The following MAMDC2 variants were observed in gnomAD, a reference collection of about 807,000 sequenced individuals.
The protein encoded by MAMDC2 is MAM domain containing 2.
A neutral mutation model predicts 89.8 loss-of-function variants in MAMDC2; 57 were observed. The ratio of observed to expected loss-of-function variants is 0.63; its 90% CI spans 0.51 to 0.79. The LOEUF (loss-of-function observed/expected upper bound fraction) is 0.79, where lower values mean the gene tolerates loss of function less well. MAMDC2 is among the 30% of genes least tolerant of loss of function. The pLI is 0.00. For missense variants in MAMDC2, 800 were observed against 820.6 expected (o/e 0.97, Z 0.31); for synonymous variants, 313 against 293.4 (o/e 1.07, Z -0.68).
intron 2 of MAMDC2, among the ~76,000 whole-genome samples, chr9:70,103,717 C>T (rs1269751439): frequency 6.6e-6 from 1 of 151,864 alleles, no homozygotes; most frequent in Non-Finnish European, 1.5e-5. Context: ...AGTGGTGGCT[C>T]ACTCCTGTAA....
At chr9:70,171,686 A>G (rs1213838255) in intron 11 of MAMDC2, among the ~76,000 whole-genome samples, 1 of 152,168 alleles carries the variant, frequency 6.6e-6, no homozygotes, top group Non-Finnish European at 1.5e-5. Flanking sequence ...CCATTATGAT[A>G]GTAAATATGA....
At chr9:70,111,833 GCT>G (rs200466248) in intron 4 of MAMDC2, among the ~76,000 whole-genome samples, 2,202 of 152,326 alleles carry the variant, frequency 0.014, 22 homozygotes, top group Admixed American at 0.022. Flanking sequence ...GCAAGGAATA[GCT>G]CTGTGACCCA....
intron 2 of MAMDC2, among the ~76,000 whole-genome samples, chr9:70,074,380 T>A (rs2118100411): frequency 6.6e-6 from 1 of 152,332 alleles, no homozygotes; most frequent in Non-Finnish European, 1.5e-5. Flanking sequence ...AGATGTATGT[T>A]TGAGTCTGTT....
chr9:70,141,146 C>A (rs2118406874), intron 8 of MAMDC2, among the ~76,000 whole-genome samples: 1 of 152,266 alleles, frequency 6.6e-6, no homozygotes, highest in Admixed American at 6.5e-5. Context: ...AGAGCCCTCA[C>A]AATTTTGTGC....
chr9:70,081,351 G>A (rs533361308), intron 2 of MAMDC2: 1 of 152,312 alleles, frequency 6.6e-6, no homozygotes, highest in South Asian at 2.1e-4. Context: ...AAATCTGTGA[G>A]TGGAGAGCTG....
At chr9:70,107,076 C>T (rs1828361459) in intron 2 of MAMDC2, among the ~76,000 whole-genome samples, 1 of 152,066 alleles carries the variant, frequency 6.6e-6, no homozygotes, top group African/African-American at 2.4e-5. Context: ...GGACGAAAGA[C>T]AGCAGGTTAA....
chr9:70,119,088 G>A (rs556272545), intron 5 of MAMDC2, among the ~76,000 whole-genome samples: 140 of 145,586 alleles, frequency 9.6e-4, no homozygotes, highest in African/African-American at 3.5e-3. Flanking sequence ...TCACATATGG[G>A]TTTCTTTCTT....
intron 9 of MAMDC2, among the ~76,000 whole-genome samples, chr9:70,159,695 T>C (rs541182198): frequency 6.6e-6 from 1 of 152,362 alleles, no homozygotes; most frequent in South Asian, 2.1e-4. Flanking sequence ...CTGACGTTTT[T>C]GTAACTCCAA....
At chr9:70,170,203 C>T (rs1927128) in intron 10 of MAMDC2, 239,721 of 360,554 alleles carry the variant, frequency 0.66, 80,774 homozygotes, top group Admixed American at 0.71. Flanking sequence ...AAGAAATTCA[C>T]AAAAATTCAC....
At chr9:70,207,761 T>G (rs1294899379) in intron 11 of MAMDC2, among the ~76,000 whole-genome samples, 2 of 152,226 alleles carry the variant, frequency 1.3e-5, no homozygotes, top group East Asian at 3.8e-4. Flanking sequence ...TTTTATGGTT[T>G]TAGGTCTAAC....
intron 11 of MAMDC2, among the ~76,000 whole-genome samples, chr9:70,202,782 T>C (rs1352775455): frequency 2.6e-5 from 4 of 151,682 alleles, no homozygotes; most frequent in African/African-American, 9.7e-5. Flanking sequence ...GCTCTTCTTG[T>C]TGAATTGATC....
chr9:70,218,712 G>A, intron 12 of MAMDC2, 116 bp downstream of exon 12: 1 of 1,182,940 alleles, frequency 8.5e-7, no homozygotes. Flanking sequence ...CATAGACAAA[G>A]GCAGGATTAA....
intron 9 of MAMDC2, among the ~76,000 whole-genome samples, chr9:70,147,159 G>A (rs1430963987): frequency 6.7e-6 from 1 of 149,390 alleles, no homozygotes; most frequent in African/African-American, 2.5e-5. Context: ...AGGAGGCTGA[G>A]GCACAAGAAT....
At chr9:70,170,291 A>G in intron 10 of MAMDC2, 188 bp from the exon 11 acceptor site, 1 of 483,488 alleles carries the variant, frequency 2.1e-6, no homozygotes, top group Non-Finnish European at 3.6e-6. Context: ...TGTCTGTGGC[A>G]GGACCCGCAG....
intron 11 of MAMDC2, among the ~76,000 whole-genome samples, chr9:70,210,424 A>C (rs1038860544): frequency 6.6e-6 from 1 of 152,106 alleles, no homozygotes; most frequent in Non-Finnish European, 1.5e-5. Context: ...GTTGGTTTAA[A>C]GTCTGTTTTA....
chr9:70,108,316 A>G lies in MAMDC2; in HGVS notation c.254A>G (p.Tyr85Cys). Residue 85 changes from tyrosine (Y) to cysteine (C), a missense_variant, in exon 3 of 14, where the codon TAC becomes TGC. Coordinates refer to ENST00000377182, the MANE Select transcript of MAMDC2 (RefSeq NM_153267.5). ...AEEWSCLRLVYQITTSSESLS... is the reference protein window; with the variant it reads ...AEEWSCLRLVCQITTSSESLS... Reference sequence around the variant, plus strand: ...GAATGGAGCTGCCTCCGTTTGGTCTACCAGATAACCACATCTTCGGAGTCT... The same window carrying G: ...GAATGGAGCTGCCTCCGTTTGGTCTGCCAGATAACCACATCTTCGGAGTCT... The G allele has an allele frequency of 6.2e-7, 1 of 1,614,128 alleles. No homozygotes were observed. Among genetic ancestry groups the G allele is most frequent in the Non-Finnish European group, 8.5e-7 (1 of 1,179,986 alleles).
chr9:70,217,591 C>T, intron 11 of MAMDC2: 1 of 1,609,978 alleles, frequency 6.2e-7, no homozygotes, highest in Non-Finnish European at 8.5e-7. Flanking sequence ...TGCTAAGGCA[C>T]CTACAAAGGC....
chr9:70,202,631 ATCTG>A (rs1330314025), intron 11 of MAMDC2, among the ~76,000 whole-genome samples: 1 of 144,216 alleles, frequency 6.9e-6, no homozygotes, highest in African/African-American at 2.6e-5. Flanking sequence ...TGTCTCGTTG[ATCTG>A]TCTAATGTTG....
intron 2 of MAMDC2, among the ~76,000 whole-genome samples, chr9:70,099,980 AAGAGAGAGAGAGAGAG>A (rs60292765): frequency 0.013 from 1,498 of 115,638 alleles, 26 homozygotes; most frequent in Non-Finnish European, 0.017. Context: ...GCCAAAAAGA[AAGAGAGAGAGAGAGAG>A]AGAGAGAGAG....
Sources: allele counts gnomAD v4.1 joint callset (sites outside exome capture counted in the v4.1 genomes callset), GRCh38; gene constraint gnomAD v4.1.1; transcripts MANE v1.5; gene names NCBI Gene and HGNC (gene_info 2026-07-23, HGNC 2026-07-21).